Variants in LDLRAD4 observed in about 807,000 individuals in gnomAD.
LDLRAD4 encodes the protein low density lipoprotein receptor class A domain containing 4, also known as low-density lipoprotein receptor class A domain-containing protein 4.
LDLRAD4 carries 5 observed loss-of-function variants against 17.0 expected under a neutral mutation model. That is an observed-to-expected ratio of 0.29 (90% CI 0.15 to 0.62). The LOEUF (loss-of-function observed/expected upper bound fraction) is 0.62. Ranked by LOEUF, LDLRAD4 falls within the 20% of genes least tolerant of loss-of-function variation. LDLRAD4 has a pLI of 0.84. For missense variants in LDLRAD4, 340 were observed against 424.7 expected (o/e 0.80, Z 1.75); for synonymous variants, 168 against 171.8 (o/e 0.98, Z 0.17).
chr18:13,421,433 C>T (rs2089441452), intron 2 of LDLRAD4, among the ~76,000 whole-genome samples: 1 of 152,132 alleles, frequency 6.6e-6, no homozygotes, highest in Admixed American at 6.5e-5. Context: ...GGCCTCCCAG[C>T]CCTCCCCCAG....
rs537792926 is a variant in LDLRAD4, at chr18:13,563,363, G to A, written c.182-57754G>A. Reference sequence around the variant, plus strand: ...TGAAAATCCATCCAGCCATGCCTGTGGATGCCCCTTGGAAGGAGGTTGGAG... The same window carrying A: ...TGAAAATCCATCCAGCCATGCCTGTAGATGCCCCTTGGAAGGAGGTTGGAG... On this transcript the variant is annotated intron_variant, in intron 3 of 5. Transcript: ENST00000359446. Among the ~76,000 whole-genome samples the A allele has an allele frequency of 3.9e-5, 6 of 152,304 alleles. No homozygotes were observed. In the South Asian group the frequency reaches 1.2e-3, roughly 32 times the overall value.
intron 3 of LDLRAD4, among the ~76,000 whole-genome samples, chr18:13,503,724 G>A (rs1329389583): frequency 6.6e-6 from 1 of 151,508 alleles, no homozygotes; most frequent in Non-Finnish European, 1.5e-5. Context: ...TTTTGGGCAG[G>A]CCTCATAGGC....
At chr18:13,298,405 A>T (rs2046389207) in intron 1 of LDLRAD4, among the ~76,000 whole-genome samples, 1 of 147,122 alleles carries the variant, frequency 6.8e-6, no homozygotes, top group South Asian at 2.2e-4. Context: ...GGGCATGGTG[A>T]TGGAGCTGCT....
chr18:13,405,685 G>A (rs367668583), intron 2 of LDLRAD4, among the ~76,000 whole-genome samples: 30 of 147,260 alleles, frequency 2.0e-4, no homozygotes, highest in African/African-American at 6.1e-4. Context: ...CAGTCCACCC[G>A]CCTCAGCCTC....
At chr18:13,477,001 A>G (rs2092957097) in intron 3 of LDLRAD4, among the ~76,000 whole-genome samples, 2 of 152,206 alleles carry the variant, frequency 1.3e-5, no homozygotes, top group South Asian at 4.1e-4. Context: ...AAAACTCACT[A>G]AGATCCGTTT....
In LDLRAD4 at chr18:13,621,009, G is replaced by A. The variant is rs2040577943; in HGVS notation, c.182-108G>A. On this transcript the variant is annotated intron_variant, in intron 3 of 5. Transcript: ENST00000359446. This position sits in a 1 kb window ranked among gnomAD's most constrained non-coding sequence, Gnocchi z 5.5. ...TCCTGCTGGCCTCTGAGGAACAGAC[G>A]TGTGTGAGAGGCCTTCAGGGCCTGA... The A allele has an allele frequency of 3.4e-6, 5 of 1,471,684 alleles. No homozygotes were observed. Among genetic ancestry groups the A allele is most frequent in the Non-Finnish European group, 3.8e-6 (4 of 1,062,340 alleles). 91.2% of individuals were successfully genotyped at this position (1,471,684 alleles called of 1,614,324 possible).
At chr18:13,298,502 G>A (rs2046399683) in intron 1 of LDLRAD4, among the ~76,000 whole-genome samples, 1 of 145,802 alleles carries the variant, frequency 6.9e-6, no homozygotes, top group South Asian at 2.3e-4. Flanking sequence ...CGGTGATGGA[G>A]CTGCTCTGGG....
chr18:13,298,872 C>T (rs963297318), intron 1 of LDLRAD4, among the ~76,000 whole-genome samples: 2 of 152,326 alleles, frequency 1.3e-5, no homozygotes, highest in South Asian at 2.1e-4. Context: ...GGCATCCATA[C>T]GTCATGCGTA....
chr18:13,421,700 C>G (rs754095719), intron 2 of LDLRAD4, among the ~76,000 whole-genome samples: 1 of 152,212 alleles, frequency 6.6e-6, no homozygotes, highest in Non-Finnish European at 1.5e-5. Flanking sequence ...CCCCTGCCCC[C>G]CACCCACCGC....
At chr18:13,296,188 G>C (rs182787786) in intron 1 of LDLRAD4, among the ~76,000 whole-genome samples, 2 of 152,350 alleles carry the variant, frequency 1.3e-5, no homozygotes, top group East Asian at 3.9e-4. Context: ...ACAGAGTGCC[G>C]TAGATGACTT....
intron 3 of LDLRAD4, chr18:13,612,803 A>T: frequency 6.2e-7 from 1 of 1,613,570 alleles, no homozygotes; most frequent in Non-Finnish European, 8.5e-7. Context: ...GCTATGGATG[A>T]TGCATGCTCT....
chr18:13,457,518 TG>T (rs1278961608), intron 3 of LDLRAD4, among the ~76,000 whole-genome samples: 2 of 152,130 alleles, frequency 1.3e-5, no homozygotes, highest in Non-Finnish European at 2.9e-5. Flanking sequence ...CAGGAAAGGC[TG>T]GAGGAGAGAG....
At chr18:13,477,694 C>T (rs2092978464) in intron 3 of LDLRAD4, among the ~76,000 whole-genome samples, 1 of 152,192 alleles carries the variant, frequency 6.6e-6, no homozygotes, top group Non-Finnish European at 1.5e-5. Flanking sequence ...GAAGTGAGCC[C>T]AGGGGATATC....
intron 4 of LDLRAD4, 100 bp from the exon 6 acceptor site, chr18:13,643,259 C>T (rs993028658): frequency 2.0e-5 from 15 of 751,010 alleles, no homozygotes; most frequent in East Asian, 1.7e-4. Flanking sequence ...TGCAGATCCC[C>T]GTTTCCAGAA....
chr18:13,225,896 T>C (rs970804848), intron 1 of LDLRAD4, among the ~76,000 whole-genome samples: 1 of 152,230 alleles, frequency 6.6e-6, no homozygotes, highest in African/African-American at 2.4e-5. Flanking sequence ...TTCTATTCTA[T>C]GGTTATATTG....
chr18:13,237,410 A>G (rs2042390044), intron 1 of LDLRAD4, among the ~76,000 whole-genome samples: 1 of 152,138 alleles, frequency 6.6e-6, no homozygotes, highest in Admixed American at 6.5e-5. Flanking sequence ...TCTAGTTCAT[A>G]TACTTAGTAC....
chr18:13,447,883 G>T (rs948352130), intron 3 of LDLRAD4, among the ~76,000 whole-genome samples: 4 of 152,184 alleles, frequency 2.6e-5, no homozygotes, highest in African/African-American at 9.7e-5. Flanking sequence ...CTAAGGACAC[G>T]CAATGAGACG....
At chr18:13,421,652 G>A (rs1477781931) in intron 2 of LDLRAD4, among the ~76,000 whole-genome samples, 1 of 152,130 alleles carries the variant, frequency 6.6e-6, no homozygotes, top group Non-Finnish European at 1.5e-5. Flanking sequence ...CCTTACTTCT[G>A]CCTCCCAGCG....
At chr18:13,632,321 G>A (rs536680049) in intron 4 of LDLRAD4, among the ~76,000 whole-genome samples, 1 of 152,224 alleles carries the variant, frequency 6.6e-6, no homozygotes, top group Admixed American at 6.5e-5. Flanking sequence ...CCAAGGGCAA[G>A]CCAGGCACAG....
Sources: allele counts gnomAD v4.1 joint callset (sites outside exome capture counted in the v4.1 genomes callset), GRCh38; gene constraint gnomAD v4.1.1; non-coding constraint Gnocchi (gnomAD v3.1); transcripts MANE v1.5; gene names NCBI Gene and HGNC (gene_info 2026-07-23, HGNC 2026-07-21).